The following LARP1B variants were observed in gnomAD, a reference collection of about 807,000 sequenced individuals.
LARP1B encodes la-related protein 1B.
In LARP1B, 76 loss-of-function variants were observed where a neutral mutation model predicts 114.2. That is an observed-to-expected ratio of 0.67 (90% CI 0.55 to 0.81). The LOEUF (loss-of-function observed/expected upper bound fraction) is 0.81. Ranked by LOEUF, LARP1B falls within the 30% of genes least tolerant of loss-of-function variation. The probability of loss-of-function intolerance (pLI) is 0.00; values close to 1 mark genes in which losing one functional copy is unlikely to be tolerated. For missense variants in LARP1B, 1,014 were observed against 1,075.8 expected (o/e 0.94, Z 0.80); for synonymous variants, 345 against 348.0 (o/e 0.99, Z 0.10).
chr4:128,121,801 A>G (rs561915606), intron 10 of LARP1B, 25 bp from the exon 11 acceptor site: 8 of 1,444,168 alleles, frequency 5.5e-6, no homozygotes, highest in Admixed American at 5.2e-5. Flanking sequence ...AGTTTTTTAT[A>G]TAAATTACCA....
Position 128,108,498 on chromosome 4 carries a change from G to A in LARP1B, c.988+1185G>A, listed in dbSNP as rs10049564. ...TTCAAAATGTATTTTTGATACATCA[G>A]TATGAGAGGACGTCCCATCAACAAA... On this transcript the variant is annotated intron_variant, in intron 9 of 19. Coordinates refer to ENST00000326639, the MANE Select transcript of LARP1B (RefSeq NM_018078.4). 1.5e-3 allele frequency: 1,489 copies of A among 985,698 alleles called. 18 individuals are homozygous for A. In the African/African-American group the frequency reaches 0.025, roughly 16 times the overall value. The allele number at this position is 985,698 out of a possible 1,614,324, so 61.1% of individuals were successfully genotyped here.
At chr4:128,074,425 G>A (rs1438019563) in intron 1 of LARP1B, 35 bp from the exon 2 acceptor site, 1 of 370,418 alleles carries the variant, frequency 2.7e-6, no homozygotes, top group Non-Finnish European at 3.7e-6. Context: ...ATTGAATGAA[G>A]TAGTTGTAAA....
At chr4:128,086,039 A>T (rs1420857431) in intron 5 of LARP1B, among the ~76,000 whole-genome samples, 2 of 107,868 alleles carry the variant, frequency 1.9e-5, no homozygotes, top group Admixed American at 1.4e-4. Context: ...TTTGAGACTG[A>T]GTCTCGCTCT....
chr4:128,202,477 A>G (rs973401382), intron 17 of LARP1B, among the ~76,000 whole-genome samples: 2 of 152,268 alleles, frequency 1.3e-5, no homozygotes, highest in African/African-American at 4.8e-5. Flanking sequence ...ACACACATAT[A>G]GAGACATGCA....
At position 128,176,855 on chromosome 4, in the gene LARP1B, AT is replaced by A; in HGVS notation, c.1649-15del. On this transcript the variant is annotated splice_polypyrimidine_tract_variant and intron_variant, in intron 12 of 19. Coordinates refer to ENST00000326639, the MANE Select transcript of LARP1B (RefSeq NM_018078.4). Reference sequence around the variant, plus strand: ...GCAGACACAGCACAAAAAGGGACTAATTAACTCTCTTGGCAGGAGGTGTTCA... The same window carrying A: ...GCAGACACAGCACAAAAAGGGACTAATAACTCTCTTGGCAGGAGGTGTTCA... 1 of 1,612,972 alleles carries A rather than the reference AT, an allele frequency of 6.2e-7. No individual in the cohort carries two copies. Among genetic ancestry groups the A allele is most frequent in the African/African-American group, 1.3e-5 (1 of 75,040 alleles).
chr4:128,092,214 A>G (rs967868910), intron 7 of LARP1B, among the ~76,000 whole-genome samples: 3 of 152,308 alleles, frequency 2.0e-5, no homozygotes, highest in South Asian at 4.1e-4. Context: ...GCAAATTAAC[A>G]TAAATAAAAA....
chr4:128,103,665 C>T (rs1461754627), intron 8 of LARP1B, among the ~76,000 whole-genome samples: 3 of 150,678 alleles, frequency 2.0e-5, no homozygotes, highest in African/African-American at 7.3e-5. Context: ...TAGGTTCAAG[C>T]GATTCTTCCG....
intron 1 of LARP1B, among the ~76,000 whole-genome samples, chr4:128,066,421 G>A (rs1157268658): frequency 2.0e-5 from 3 of 150,562 alleles, no homozygotes; most frequent in East Asian, 2.0e-4. Context: ...CTCGTGATCC[G>A]CCGGCCTCGG....
At chr4:128,155,579 G>T in intron 11 of LARP1B, 3 of 857,650 alleles carry the variant, frequency 3.5e-6, no homozygotes, top group Non-Finnish European at 6.1e-6. Flanking sequence ...CCCAGCAGTT[G>T]CCCCAGGCCT....
In LARP1B at chr4:128,137,663, G is replaced by T. The variant is rs1045184822; in HGVS notation, c.1524+15475G>T. Among the ~76,000 whole-genome samples, 40 of 151,444 alleles carry T rather than the reference G, an allele frequency of 2.6e-4. 1 individual carries two copies. Among genetic ancestry groups the T allele is most frequent in the Non-Finnish European group, 2.9e-5 (2 of 67,934 alleles). On this transcript the variant is annotated intron_variant, in intron 11 of 19. Transcript: ENST00000326639. ...TACAATGTGTAATGATCAAATTAGG[G>T]TAATTTATATATCTATCACCTCAAA... is the stretch of plus-strand genomic sequence containing the variant.
At position 128,210,251 on chromosome 4, in the gene LARP1B, T is replaced by C. The variant is rs1758739608; in HGVS notation, c.*198T>C. ...GCATTTTTTCTAACAAGATAAATTC[T>C]AAAAATGTTTTCCCTGATTTCACAA... On this transcript the variant is annotated 3_prime_UTR_variant, in exon 20 of 20. Coordinates refer to ENST00000326639, the MANE Select transcript of LARP1B (RefSeq NM_018078.4). 7.1e-7 allele frequency: 1 copy of C among 1,399,526 alleles called. No homozygotes were observed. The allele number at this position is 1,399,526 out of a possible 1,614,324, so 86.7% of individuals were successfully genotyped here. A position where few individuals can be genotyped will look rare whatever the true frequency, so the allele number is the denominator to read the frequency against.
chr4:128,098,747 G>GTGTT, intron 8 of LARP1B, among the ~76,000 whole-genome samples: 1 of 15,594 alleles, frequency 6.4e-5, no homozygotes, highest in Admixed American at 9.8e-4. Context: ...ATATGTATGT[G>GTGTT]TATATATATA....
chr4:128,102,059 C>G (rs1780516728), intron 8 of LARP1B, among the ~76,000 whole-genome samples: 5 of 152,138 alleles, frequency 3.3e-5, no homozygotes, highest in Non-Finnish European at 7.4e-5. Flanking sequence ...AGCACTGATA[C>G]AGTAGCTAAT....
chr4:128,098,122 G>A, intron 7 of LARP1B, 64 bp from the exon 8 acceptor site: 3 of 1,284,766 alleles, frequency 2.3e-6, no homozygotes, highest in Non-Finnish European at 3.3e-6. Flanking sequence ...CAGTTAATGT[G>A]GGAGCAATAG....
In LARP1B at chr4:128,162,233, A is replaced by G. The variant is rs1037388580; in HGVS notation, c.1564A>G (p.Lys522Glu). 5 of 1,612,740 alleles carry G rather than the reference A, an allele frequency of 3.1e-6. No homozygotes were observed. The highest frequency in any genetic ancestry group is 4.2e-6 in the Non-Finnish European group (5 of 1,179,024). Residue 522 changes from lysine (K) to glutamate (E), a missense_variant, in exon 12 of 20, where the codon AAA becomes GAA. By Grantham distance (56) the Lys-to-Glu change is moderately conservative. Transcript: ENST00000326639. Reference sequence around the variant, plus strand: ...CTTTAAGAAGCTAAATCTCATTAGTAAAGAGCAGTTTGAAAACCTAACACC... The same window carrying G: ...CTTTAAGAAGCTAAATCTCATTAGTGAAGAGCAGTTTGAAAACCTAACACC... ...ENFKKLNLIS[K>E]EQFENLTPEL... is the part of the protein sequence containing the mutation.
chr4:128,190,338 A>AT (rs929119065), intron 15 of LARP1B, among the ~76,000 whole-genome samples: 1 of 150,968 alleles, frequency 6.6e-6, no homozygotes, highest in East Asian at 1.9e-4. Flanking sequence ...ATGTTCTTTT[A>AT]TTTTTTTTCT....
At chr4:128,069,385 C>T (rs1381361097) in intron 1 of LARP1B, 2 of 764,736 alleles carry the variant, frequency 2.6e-6, no homozygotes, top group East Asian at 4.9e-5. Context: ...ACAGGCTTGC[C>T]ATAAGTTGCA....
intron 11 of LARP1B, among the ~76,000 whole-genome samples, chr4:128,142,444 C>T (rs1156370083): frequency 6.6e-6 from 1 of 151,912 alleles, no homozygotes; most frequent in Non-Finnish European, 1.5e-5. Flanking sequence ...CATCAAAGTA[C>T]AGTCTGTGGA....
intron 11 of LARP1B, chr4:128,122,820 C>A: frequency 9.3e-7 from 1 of 1,080,626 alleles, no homozygotes; most frequent in African/African-American, 1.6e-5. Flanking sequence ...GGTTCCTATC[C>A]TAGTTATTAA....
Sources: allele counts gnomAD v4.1 joint callset (sites outside exome capture counted in the v4.1 genomes callset), GRCh38; gene constraint gnomAD v4.1.1; transcripts MANE v1.5; gene names NCBI Gene and HGNC (gene_info 2026-07-23, HGNC 2026-07-21).